The following ZFHX3 variants were observed in gnomAD, a reference collection of about 807,000 sequenced individuals.
ZFHX3 encodes zinc finger homeobox 3.
In ZFHX3, 42 loss-of-function variants were observed where a neutral mutation model predicts 279.1. The ratio of observed to expected loss-of-function variants is 0.15; its 90% CI spans 0.12 to 0.19. ZFHX3 has a LOEUF of 0.19. Among genes scored for constraint, ZFHX3 ranks in the 10% least tolerant of loss-of-function variants. ZFHX3 has a pLI of 1.00. For synonymous variants in ZFHX3, 2,293 were observed against 1,957.8 expected (o/e 1.17, Z -4.52); for missense variants, 4,981 against 4,754.0 (o/e 1.05, Z -1.40).
At chr16:73,768,653 T>C (rs2053981748) in intron 1 of ZFHX3, among the ~76,000 whole-genome samples, 2 of 152,228 alleles carry the variant, frequency 1.3e-5, no homozygotes, top group Non-Finnish European at 2.9e-5. Context: ...TCTGTCTTTA[T>C]TTCTGTTTAC....
chr16:73,501,630 C>G (rs1002735802), intron 2 of ZFHX3, among the ~76,000 whole-genome samples: 1 of 152,156 alleles, frequency 6.6e-6, no homozygotes, highest in African/African-American at 2.4e-5. Context: ...ATCCATTACA[C>G]GGGAAGAATT....
intron 1 of ZFHX3, among the ~76,000 whole-genome samples, chr16:73,838,065 T>A (rs912348226): frequency 9.2e-5 from 14 of 152,356 alleles, no homozygotes; most frequent in African/African-American, 3.4e-4. Flanking sequence ...AGCATTTACA[T>A]GTCTCCATTT....
At chr16:72,937,011 G>GTTCCCAGCTTT (rs1475228033) in intron 3 of ZFHX3, among the ~76,000 whole-genome samples, 1 of 152,200 alleles carries the variant, frequency 6.6e-6, no homozygotes, top group Non-Finnish European at 1.5e-5. Flanking sequence ...CCCACAGATA[G>GTTCCCAGCTTT]TTCCCAGCTT....
intron 1 of ZFHX3, among the ~76,000 whole-genome samples, chr16:73,748,082 C>T (rs1407897464): frequency 6.6e-6 from 1 of 152,134 alleles, no homozygotes. Context: ...TTGTAGGAAC[C>T]ACTCCAAATG....
chr16:73,005,671 TC>T (rs1318730842), intron 1 of ZFHX3: 1 of 152,068 alleles, frequency 6.6e-6, no homozygotes, highest in Non-Finnish European at 1.5e-5. Context: ...GCGCCTGTAG[TC>T]CCAGCTACTC....
intron 1 of ZFHX3, among the ~76,000 whole-genome samples, chr16:73,872,027 T>G (rs1326883624): frequency 6.6e-6 from 1 of 152,332 alleles, no homozygotes; most frequent in East Asian, 1.9e-4. Flanking sequence ...TGTAAGATTG[T>G]ACACCCAGTT....
At chr16:72,928,103 G>C (rs1429925636) in intron 3 of ZFHX3, among the ~76,000 whole-genome samples, 2 of 101,004 alleles carry the variant, frequency 2.0e-5, no homozygotes, top group East Asian at 6.4e-4. Context: ...TGGAGGATGG[G>C]GGGAGGGGAG....
chr16:73,510,653 A>G (rs531079823), intron 2 of ZFHX3, among the ~76,000 whole-genome samples: 36 of 152,366 alleles, frequency 2.4e-4, no homozygotes, highest in African/African-American at 7.9e-4. Flanking sequence ...TATCACTGTG[A>G]TGTGAATAGC....
chr16:72,888,295 G>C (rs893166676), intron 4 of ZFHX3, among the ~76,000 whole-genome samples: 10 of 152,196 alleles, frequency 6.6e-5, no homozygotes, highest in African/African-American at 2.4e-4. Context: ...GAGACTGTAG[G>C]ATCAGGAGTG....
intron 3 of ZFHX3, among the ~76,000 whole-genome samples, chr16:73,419,737 C>T (rs773233763): frequency 5.9e-5 from 9 of 152,104 alleles, no homozygotes; most frequent in Admixed American, 2.0e-4. Context: ...TGCGCCCCTC[C>T]GTGCCCAGCT....
intron 1 of ZFHX3, among the ~76,000 whole-genome samples, chr16:73,693,534 G>A (rs775704565): frequency 4.1e-4 from 62 of 151,908 alleles, no homozygotes; most frequent in Non-Finnish European, 8.7e-4. Context: ...TGAGAATATA[G>A]ACCAATCTAT....
Position 73,797,810 on chromosome 16 carries a change from T to C in ZFHX3, c.-1608+93841A>G, listed in dbSNP as rs8062782. ...TATAGGACAAGCCTTCTGAAGACTT[T>C]TTTTTTTTTTTTTTTTTTTTTGAGA... On this transcript the variant is annotated intron_variant, in intron 1 of 17. Transcript: ENST00000641206. Among the ~76,000 whole-genome samples, 351 of 125,978 alleles carry C rather than the reference T, an allele frequency of 2.8e-3. 1 individual carries two copies. The highest frequency in any genetic ancestry group is 0.012 in the African/African-American group (325 of 26,520). The allele number at this position is 125,978 out of a possible 152,430, so 82.6% of individuals were successfully genotyped here.
Position 73,313,410 on chromosome 16 carries a change from C to T in ZFHX3, c.-1194+4830G>A, listed in dbSNP as rs577338926. ...TCATCATCACAACCACAGCTGTAAACGCTCGTATAGTATGTACTACGTGTC... is the reference window on the plus strand; with the variant it reads ...TCATCATCACAACCACAGCTGTAAATGCTCGTATAGTATGTACTACGTGTC... On this transcript the variant is annotated intron_variant, in intron 4 of 17. Transcript: ENST00000641206. 8.5e-5 allele frequency among the ~76,000 whole-genome samples: 13 copies of T among 152,276 alleles called. No individual in the cohort carries two copies. In the South Asian group the frequency reaches 1.0e-3, roughly 12 times the overall value.
chr16:73,331,190 G>A (rs1048499982), intron 3 of ZFHX3, among the ~76,000 whole-genome samples: 6 of 152,116 alleles, frequency 3.9e-5, no homozygotes, highest in Non-Finnish European at 4.4e-5. Flanking sequence ...GGAAAGCCCC[G>A]TATAAAACCA....
intron 2 of ZFHX3, among the ~76,000 whole-genome samples, chr16:73,675,422 T>C (rs946936666): frequency 6.6e-6 from 1 of 152,046 alleles, no homozygotes; most frequent in African/African-American, 2.4e-5. Context: ...TTATCTTACA[T>C]TCATTCATTC....
intron 3 of ZFHX3, among the ~76,000 whole-genome samples, chr16:73,334,245 C>T (rs1191930409): frequency 1.3e-5 from 2 of 152,028 alleles, no homozygotes; most frequent in Admixed American, 6.6e-5. Context: ...TGAGAATAAG[C>T]CACACGGGCT....
intron 5 of ZFHX3, among the ~76,000 whole-genome samples, chr16:73,191,838 T>C (rs1245918126): frequency 1.3e-5 from 2 of 152,238 alleles, no homozygotes; most frequent in Non-Finnish European, 2.9e-5. Context: ...AGCTGGCCTC[T>C]CTGGCTTGTA....
chr16:72,923,004 T>C lies in ZFHX3; in HGVS notation c.3216+27465A>G, dbSNP rs370280784. On this transcript the variant is annotated intron_variant, in intron 3 of 9. Transcript: ENST00000268489. The stretch of plus-strand genomic sequence containing the variant: ...GATTAGTATCTAAGGCACTATACTA[T>C]ACATGAAAATTACAGCAAGTATATC... Among the ~76,000 whole-genome samples, 56 of 152,318 alleles carry C rather than the reference T, an allele frequency of 3.7e-4. 1 individual carries two copies. Among genetic ancestry groups the C allele is most frequent in the Admixed American group, 8.5e-4 (13 of 15,300 alleles).
intron 3 of ZFHX3, among the ~76,000 whole-genome samples, chr16:72,905,568 A>T (rs979404920): frequency 1.3e-5 from 2 of 152,134 alleles, no homozygotes; most frequent in Non-Finnish European, 2.9e-5. Flanking sequence ...AGGAAGAGGG[A>T]GTACACTCCG....
Sources: allele counts gnomAD v4.1 joint callset (sites outside exome capture counted in the v4.1 genomes callset), GRCh38; gene constraint gnomAD v4.1.1; transcripts MANE v1.5; gene names NCBI Gene and HGNC (gene_info 2026-07-23, HGNC 2026-07-21).